Variants in MON1A observed in about 807,000 individuals in gnomAD.
MON1A encodes the protein MON1 vesicular trafficking associated A.
In MON1A, 29 loss-of-function variants were observed where a neutral mutation model predicts 44.6. The ratio of observed to expected loss-of-function variants is 0.65; its 90% CI spans 0.48 to 0.89. The LOEUF (loss-of-function observed/expected upper bound fraction) is 0.89. Among genes scored for constraint, MON1A ranks in the 40% least tolerant of loss-of-function variants. The probability of loss-of-function intolerance (pLI) is 0.00; values close to 1 mark genes in which losing one functional copy is unlikely to be tolerated. For missense variants in MON1A, 615 were observed against 759.6 expected, an observed-to-expected ratio of 0.81 and a Z score of 2.24; for synonymous variants, 275 against 316.4, an observed-to-expected ratio of 0.87 and a Z score of 1.39.
chr3:49,924,150 A>G (rs999354946), intron 1 of MON1A: 1 of 151,946 alleles, frequency 6.6e-6, no homozygotes, highest in Non-Finnish European at 1.5e-5. Context: ...CCCACACCTC[A>G]TATACCAAAC....
chr3:49,911,992 G>C lies in MON1A; in HGVS notation c.147C>G (p.Ala49=). The C allele has an allele frequency of 6.3e-7, 1 of 1,597,018 alleles. No individual in the cohort carries two copies. Among genetic ancestry groups the C allele is most frequent in the Non-Finnish European group, 8.5e-7 (1 of 1,169,700 alleles). ...GMEPGAGQEG[A]MFVHARSYED... Reference sequence around the variant, plus strand: ...CGTAGGAACGGGCATGGACGAACATGGCACCCTCCTGGCCCGCACCTGCAG... The same window carrying C: ...CGTAGGAACGGGCATGGACGAACATCGCACCCTCCTGGCCCGCACCTGCAG... The change falls in exon 3 of 6, where the codon GCC becomes GCG. Residue 49 remains alanine, a synonymous_variant. Coordinates refer to ENST00000296473, the MANE Select transcript of MON1A (RefSeq NM_032355.4). This position sits in a 1 kb window ranked among gnomAD's most constrained non-coding sequence, Gnocchi z 5.7.
Position 49,922,561 on chromosome 3 carries a change from GGGAA to G in MON1A, c.-14+7044_-14+7047del, listed in dbSNP as rs1006997707. 7.7e-5 allele frequency among the ~76,000 whole-genome samples: 11 copies of G among 143,418 alleles called. No individual in the cohort carries two copies. In the East Asian group the frequency reaches 2.0e-3, roughly 26 times the overall value. 94.1% of individuals were successfully genotyped at this position (143,418 alleles called of 152,430 possible). The stretch of plus-strand genomic sequence containing the variant: ...AGGGAGGGAGGGAGGGAAAGAAGGA[GGGAA>G]GGAAGGAGGGAAGGAAGGAAAGAAG... On this transcript the variant is annotated intron_variant, in intron 1 of 5. Coordinates refer to ENST00000296473, the MANE Select transcript of MON1A (RefSeq NM_032355.4).
intron 1 of MON1A, chr3:49,916,487 C>G (rs761587621): frequency 6.6e-6 from 1 of 152,264 alleles, no homozygotes; most frequent in Non-Finnish European, 1.5e-5. Flanking sequence ...TGTATCCTGA[C>G]AGCTGGCCTG....
In MON1A at chr3:49,909,311, G is replaced by T; in HGVS notation, c.1469C>A (p.Ala490Asp). Residue 490 changes from alanine (A) to aspartate (D), a missense_variant, in exon 5 of 6, where the codon GCC becomes GAC. Physicochemically the swap from Ala to Asp is moderately radical, Grantham distance 126. Coordinates refer to ENST00000296473, the MANE Select transcript of MON1A (RefSeq NM_032355.4). The surrounding 1 kb of genome is among the most constrained non-coding windows in gnomAD (Gnocchi z 4.0). ...GTAAATGGTCTTGAGTGGGCGAGAG[G>T]CATTGTGGGCACGACTGTGCAAGTA... Reference protein sequence around the residue: ...YQYLHSRAHNASRPLKTIYYT... With the variant: ...YQYLHSRAHNDSRPLKTIYYT... 2 of 1,614,062 alleles carry T rather than the reference G, an allele frequency of 1.2e-6. No individual in the cohort carries two copies. Among genetic ancestry groups the T allele is most frequent in the Non-Finnish European group, 1.7e-6 (2 of 1,180,020 alleles).
At chr3:49,912,936 A>C (rs1280363342) in intron 2 of MON1A, 2 of 538,748 alleles carry the variant, frequency 3.7e-6, no homozygotes, top group African/African-American at 3.8e-5. Context: ...CTAACTCGTG[A>C]GGAGGGGAGA....
intron 1 of MON1A, among the ~76,000 whole-genome samples, chr3:49,915,236 A>G (rs773841503): frequency 3.9e-5 from 6 of 152,218 alleles, no homozygotes; most frequent in Non-Finnish European, 8.8e-5. Context: ...TGGGAGTTGA[A>G]ACAACTCTGT....
At chr3:49,920,040 G>A (rs941641570) in intron 1 of MON1A, among the ~76,000 whole-genome samples, 16 of 152,258 alleles carry the variant, frequency 1.1e-4, no homozygotes, top group African/African-American at 2.4e-4. Flanking sequence ...TGGAGCTCAC[G>A]GATATCTGGA....
rs938371381 is a variant in MON1A, at chr3:49,910,501, C to T, written c.997G>A (p.Val333Met). ...LLARNQLVAL[V>M]RRKDQFLHPI... ...TGCAGAAATTGGTCCTTTCGGCGCA[C>T]GAGTGCCACGAGCTGGTTGCGGGCC... Residue 333 changes from valine to methionine, a missense_variant, in exon 4 of 6, where the codon GTG (valine) becomes ATG (methionine). Transcript: ENST00000296473. This position sits in a 1 kb window ranked among gnomAD's most constrained non-coding sequence, Gnocchi z 8.0. The T allele has an allele frequency of 1.2e-6, 2 of 1,613,864 alleles. No homozygotes were observed. Among genetic ancestry groups the T allele is most frequent in the African/African-American group, 1.3e-5 (1 of 74,958 alleles).
In MON1A at chr3:49,910,948, C is replaced by A. The variant is rs1039219284; in HGVS notation, c.614-64G>T. The A allele has an allele frequency of 2.2e-5, 32 of 1,477,068 alleles. No individual in the cohort carries two copies. The highest frequency in any genetic ancestry group is 2.8e-5 in the Non-Finnish European group (31 of 1,092,542). The allele number at this position is 1,477,068 out of a possible 1,614,324, so 91.5% of individuals were successfully genotyped here. A position where few individuals can be genotyped will look rare whatever the true frequency, so the allele number is the denominator to read the frequency against. The stretch of plus-strand genomic sequence containing the variant: ...GGCAGCTCCCTCCGAAAACCGCCTT[C>A]CAGCGCAGCTCTTCGCTTTCCCCAT... On this transcript the variant is annotated intron_variant, in intron 3 of 5. Transcript: ENST00000296473. The surrounding 1 kb of genome is among the most constrained non-coding windows in gnomAD (Gnocchi z 8.0).
At position 49,910,610 on chromosome 3, in the gene MON1A, C is replaced by T. The variant is rs371447566; in HGVS notation, c.888G>A (p.Leu296=). ...PSFLMGAARC[L]PLAAAVRDTV... ...TGTCGCGCACGGCCGCCGCCAGGGG[C>T]AGGCACCGTGCCGCCCCCATCAGGA... The change falls in exon 4 of 6, where the codon CTG becomes CTA. Residue 296 remains leucine, a synonymous_variant. Transcript: ENST00000296473. This position sits in a 1 kb window ranked among gnomAD's most constrained non-coding sequence, Gnocchi z 8.0. The T allele has an allele frequency of 1.2e-6, 2 of 1,603,322 alleles. No individual in the cohort carries two copies. The highest frequency in any genetic ancestry group is 1.3e-5 in the African/African-American group (1 of 74,670).
At chr3:49,923,070 G>A (rs1201569605) in intron 1 of MON1A, among the ~76,000 whole-genome samples, 2 of 150,378 alleles carry the variant, frequency 1.3e-5, no homozygotes. Flanking sequence ...GCCGGGCACG[G>A]TTTCTCACAC....
At position 49,910,423 on chromosome 3, in the gene MON1A, G is replaced by A. The variant is rs1214565894; in HGVS notation, c.1075C>T (p.Arg359Cys). ...FNLISSSSSF[R>C]EGEAWTPVCL... ...ACGGGCGTCCAGGCCTCGCCCTCGC[G>A]AAAGGACGAGGAGGAACTAATGAGG... The change falls in exon 4 of 6, where the codon CGC becomes TGC. Residue 359 changes from arginine (R) to cysteine (C), a missense_variant. Physicochemically the swap from Arg to Cys is radical, Grantham distance 180. Coordinates refer to ENST00000296473, the MANE Select transcript of MON1A (RefSeq NM_032355.4). The surrounding 1 kb of genome is among the most constrained non-coding windows in gnomAD (Gnocchi z 8.0). 3 of 1,614,242 alleles carry A rather than the reference G, an allele frequency of 1.9e-6. No individual in the cohort carries two copies. Among genetic ancestry groups the A allele is most frequent in the African/African-American group, 1.3e-5 (1 of 75,076 alleles).
At chr3:49,912,145 G>T in intron 2 of MON1A, 134 bp from the exon 3 acceptor site, 1 of 1,097,496 alleles carries the variant, frequency 9.1e-7, no homozygotes, top group Non-Finnish European at 1.3e-6. Flanking sequence ...TTCTGCCACT[G>T]TCTGCCATGG....
intron 1 of MON1A, among the ~76,000 whole-genome samples, chr3:49,925,342 T>C (rs2083044160): frequency 1.3e-5 from 2 of 152,090 alleles, no homozygotes; most frequent in Non-Finnish European, 2.9e-5. Context: ...CTCAAACTCC[T>C]TGACTCAAGT....
At chr3:49,923,017 C>G (rs2083015348) in intron 1 of MON1A, among the ~76,000 whole-genome samples, 1 of 150,736 alleles carries the variant, frequency 6.6e-6, no homozygotes, top group Admixed American at 6.6e-5. Context: ...CCAAGAAAGA[C>G]AATCTCATCC....
chr3:49,915,453 C>T (rs1473460204), intron 1 of MON1A, among the ~76,000 whole-genome samples: 3 of 152,182 alleles, frequency 2.0e-5, no homozygotes, highest in Non-Finnish European at 4.4e-5. Flanking sequence ...CACATAAACC[C>T]AGCAAGTCAA....
chr3:49,912,572 C>G (rs2082898659), intron 2 of MON1A: 1 of 168,106 alleles, frequency 5.9e-6, no homozygotes, highest in African/African-American at 2.4e-5. Flanking sequence ...GCACCTCACC[C>G]TGTGTCTGGA....
intron 1 of MON1A, chr3:49,929,360 G>C (rs915958203): frequency 1.8e-6 from 1 of 568,554 alleles, no homozygotes; most frequent in East Asian, 3.1e-5. Context: ...GGAGTGGGGA[G>C]AGTCCTACCT....
intron 2 of MON1A, chr3:49,912,843 A>G (rs2108532035): frequency 5.7e-6 from 2 of 353,888 alleles, no homozygotes; most frequent in South Asian, 4.7e-5. Context: ...AATCTTGTGG[A>G]AGAGAGAGAT....
Sources: gnomAD v4.1 joint callset for allele counts (sites outside exome capture counted in the v4.1 genomes callset) on GRCh38, gnomAD v4.1.1 for gene constraint, Gnocchi (gnomAD v3.1) non-coding constraint, MANE v1.5 for transcripts, NCBI Gene and HGNC (gene_info 2026-07-23, HGNC 2026-07-21) for gene names.